NALCN: variants seen among roughly 807,000 people sequenced by gnomAD.
The protein encoded by NALCN is sodium leak channel, non-selective.
In NALCN, 111 loss-of-function variants were observed where a neutral mutation model predicts 225.3. The ratio of observed to expected loss-of-function variants is 0.49; its 90% CI spans 0.42 to 0.58. NALCN has a LOEUF of 0.58. NALCN is among the 20% of genes least tolerant of loss of function. The pLI is 0.00. For synonymous variants in NALCN, 764 were observed against 769.0 expected (o/e 0.99, Z 0.11); for missense variants, 1,378 against 2,202.4 (o/e 0.63, Z 7.49).
At chr13:101,407,024 T>C (rs1176261049) in intron 1 of NALCN, among the ~76,000 whole-genome samples, 1 of 152,224 alleles carries the variant, frequency 6.6e-6, no homozygotes. Context: ...AAAGAATGTA[T>C]GTAATTTTTT....
At chr13:101,218,145 G>C (rs200231132) in intron 13 of NALCN, among the ~76,000 whole-genome samples, 2 of 152,028 alleles carry the variant, frequency 1.3e-5, no homozygotes, top group East Asian at 3.9e-4. Context: ...AAGGTTTCCT[G>C]GTCCTAAGGA....
chr13:101,056,039 AATTAGACTATTGTCAGGATT>A (rs1238475566), intron 43 of NALCN, among the ~76,000 whole-genome samples: 1 of 152,130 alleles, frequency 6.6e-6, no homozygotes, highest in East Asian at 1.9e-4. Flanking sequence ...AAAATGTCCT[AATTAGACTATTGTCAGGATT>A]AAAACAGGTT....
At chr13:101,377,107 TTA>T (rs774682633) in intron 4 of NALCN, 51 bp from the exon 5 acceptor site, 4 of 1,610,198 alleles carry the variant, frequency 2.5e-6, no homozygotes, top group East Asian at 4.5e-5. Context: ...TTAGCATTGC[TTA>T]TAGTCATGGA....
intron 13 of NALCN, among the ~76,000 whole-genome samples, chr13:101,208,817 C>T (rs1329715853): frequency 6.6e-6 from 1 of 152,202 alleles, no homozygotes; most frequent in East Asian, 1.9e-4. Flanking sequence ...GCTCCCCTTT[C>T]ACCTTCTGCC....
At chr13:101,393,577 G>C (rs528102017) in intron 3 of NALCN, among the ~76,000 whole-genome samples, 2 of 152,308 alleles carry the variant, frequency 1.3e-5, no homozygotes, top group East Asian at 3.9e-4. Flanking sequence ...ACATAAGTGG[G>C]AGGCCGAGGC....
chr13:101,129,626 T>A (rs1001057848), intron 17 of NALCN, among the ~76,000 whole-genome samples: 1 of 152,168 alleles, frequency 6.6e-6, no homozygotes, highest in African/African-American at 2.4e-5. Flanking sequence ...CTAGAGCCCA[T>A]AGATGCTCAC....
intron 13 of NALCN, among the ~76,000 whole-genome samples, chr13:101,218,146 G>A (rs2040811262): frequency 6.6e-6 from 1 of 152,138 alleles, no homozygotes; most frequent in Non-Finnish European, 1.5e-5. Flanking sequence ...AGGTTTCCTG[G>A]TCCTAAGGAG....
intron 38 of NALCN, 44 bp from the exon 39 acceptor site, chr13:101,068,077 T>A (rs2032567474): frequency 8.5e-7 from 1 of 1,179,766 alleles, no homozygotes; most frequent in Non-Finnish European, 1.2e-6. Context: ...ATTATGCTAA[T>A]CTGTCATATT....
At chr13:101,259,751 T>TATAC (rs10622707) in intron 10 of NALCN, among the ~76,000 whole-genome samples, 2,641 of 131,866 alleles carry the variant, frequency 0.02, 46 homozygotes, top group African/African-American at 0.048. Context: ...TATATATATA[T>TATAC]ACACACACAC....
chr13:101,269,983 T>C (rs2042722098), intron 10 of NALCN, among the ~76,000 whole-genome samples: 1 of 152,242 alleles, frequency 6.6e-6, no homozygotes, highest in African/African-American at 2.4e-5. Flanking sequence ...TTTTCTCTCA[T>C]GTTCCCTGGT....
chr13:101,253,146 T>G (rs2042112409), intron 11 of NALCN, among the ~76,000 whole-genome samples: 2 of 152,144 alleles, frequency 1.3e-5, no homozygotes, highest in African/African-American at 4.8e-5. Flanking sequence ...AAACTTTACC[T>G]TTTTCTGTTT....
Position 101,080,585 on chromosome 13 carries a change from TTAAA to T in NALCN, c.3885+938_3885+941del, listed in dbSNP as rs1215211661. On this transcript the variant is annotated intron_variant, in intron 34 of 43. Transcript: ENST00000251127. ...TAATTATAACCAAATAATTATATAA[TTAAA>T]TAATTATTAAATTAATTATATAATC... Among the ~76,000 whole-genome samples the T allele has an allele frequency of 6.4e-3, 912 of 142,704 alleles. 7 individuals carry two copies. The highest frequency in any genetic ancestry group is 0.011 in the Non-Finnish European group (729 of 66,022). The allele number at this position is 142,704 out of a possible 152,430, so 93.6% of individuals were successfully genotyped here.
At chr13:101,138,136 T>C (rs1036133477) in intron 17 of NALCN, among the ~76,000 whole-genome samples, 3 of 152,224 alleles carry the variant, frequency 2.0e-5, no homozygotes, top group Non-Finnish European at 4.4e-5. Flanking sequence ...TAATACTTTT[T>C]ACTTTCATGC....
chr13:101,411,168 A>C (rs2047770523), intron 1 of NALCN, among the ~76,000 whole-genome samples: 1 of 151,980 alleles, frequency 6.6e-6, no homozygotes, highest in Non-Finnish European at 1.5e-5. Context: ...GTCATAGTGA[A>C]TTCATTCATG....
At chr13:101,139,364 C>G (rs1215201997) in intron 17 of NALCN, among the ~76,000 whole-genome samples, 1 of 152,176 alleles carries the variant, frequency 6.6e-6, no homozygotes, top group Non-Finnish European at 1.5e-5. Context: ...AACTTGCAGT[C>G]TTCAGGCACC....
chr13:101,391,590 G>A (rs1204757732), intron 3 of NALCN, among the ~76,000 whole-genome samples: 1 of 151,890 alleles, frequency 6.6e-6, no homozygotes, highest in Non-Finnish European at 1.5e-5. Flanking sequence ...AGGATGAGGT[G>A]GGAGATCTCT....
chr13:101,141,590 G>A (rs1397053763), intron 17 of NALCN, among the ~76,000 whole-genome samples: 6 of 152,026 alleles, frequency 3.9e-5, no homozygotes, highest in South Asian at 4.2e-4. Context: ...AGAGGTAAAC[G>A]GGAGTAGTAT....
At chr13:101,271,913 G>A (rs1249823619) in intron 10 of NALCN, among the ~76,000 whole-genome samples, 1 of 151,742 alleles carries the variant, frequency 6.6e-6, no homozygotes, top group Non-Finnish European at 1.5e-5. Context: ...GTGTGATTGT[G>A]TGTCACTGTG....
chr13:101,294,465 T>C (rs192909632), intron 7 of NALCN, among the ~76,000 whole-genome samples: 52 of 151,970 alleles, frequency 3.4e-4, no homozygotes, highest in African/African-American at 1.2e-3. Context: ...TTATTATGTA[T>C]CAATAAGTAT....
Sources: allele counts gnomAD v4.1 joint callset (sites outside exome capture counted in the v4.1 genomes callset), GRCh38; gene constraint gnomAD v4.1.1; transcripts MANE v1.5; gene names NCBI Gene and HGNC (gene_info 2026-07-23, HGNC 2026-07-21).